The following DHRSX variants were observed in gnomAD, a reference collection of about 807,000 sequenced individuals.
DHRSX encodes the protein polyprenol dehydrogenase.
Under a neutral mutation model 34.0 loss-of-function variants are expected in DHRSX, and 31 were observed. The ratio of observed to expected loss-of-function variants is 0.91; its 90% CI spans 0.69 to 1.23. The LOEUF is 1.23. DHRSX is among the 50% of genes most tolerant of loss of function. DHRSX has a pLI of 0.00. For synonymous variants in DHRSX, 201 were observed against 183.8 expected, an observed-to-expected ratio of 1.09 and a Z score of -0.76; for missense variants, 414 against 428.1, an observed-to-expected ratio of 0.97 and a Z score of 0.29.
intron 3 of DHRSX, among the ~76,000 whole-genome samples, chrX:2,317,695 ACT>A (rs1440467850): frequency 1.1e-4 from 17 of 152,018 alleles, no homozygotes; most frequent in Non-Finnish European, 2.9e-5. Context: ...TTTGATTGGC[ACT>A]CTCTGAATAC....
Position 2,250,621 on chromosome X carries a change from C to T in DHRSX, c.597-7391G>A, listed in dbSNP as rs138370618. Among the ~76,000 whole-genome samples, 114 of 152,086 alleles carry T rather than the reference C, an allele frequency of 7.5e-4. 2 individuals are homozygous for T. In the East Asian group the frequency reaches 0.014, roughly 18 times the overall value. On this transcript the variant is annotated intron_variant, in intron 5 of 6. Coordinates refer to ENST00000334651, the MANE Select transcript of DHRSX (RefSeq NM_145177.3). Reference sequence around the variant, plus strand: ...GCGTATCATGACCAGAGAGGATGACCAGAGGTCAGTCGTCACCATCTTGGT... The same window carrying T: ...GCGTATCATGACCAGAGAGGATGACTAGAGGTCAGTCGTCACCATCTTGGT...
chrX:2,303,636 A>C (rs1465646307), intron 3 of DHRSX, among the ~76,000 whole-genome samples: 1 of 152,200 alleles, frequency 6.6e-6, no homozygotes, highest in African/African-American at 2.4e-5. Context: ...GTACTTCTTT[A>C]TAGCAATGCA....
At chrX:2,471,605 T>C (rs1218000211) in intron 1 of DHRSX, among the ~76,000 whole-genome samples, 2 of 150,082 alleles carry the variant, frequency 1.3e-5, no homozygotes, top group East Asian at 2.0e-4. Flanking sequence ...TTCTACACTG[T>C]GAAAAAAGAT....
intron 3 of DHRSX, among the ~76,000 whole-genome samples, chrX:2,317,380 T>C (rs1357470781): frequency 1.3e-5 from 2 of 151,806 alleles, no homozygotes; most frequent in Admixed American, 6.6e-5. Context: ...CTGTCCCAAG[T>C]AGCTGGGATT....
At chrX:2,378,592 T>C (rs981965842) in intron 3 of DHRSX, among the ~76,000 whole-genome samples, 2 of 152,106 alleles carry the variant, frequency 1.3e-5, no homozygotes, top group African/African-American at 2.4e-5. Flanking sequence ...GAATATAATA[T>C]AGAATATTTA....
chrX:2,336,850 T>G (rs1407973616), intron 3 of DHRSX, among the ~76,000 whole-genome samples: 1 of 54,974 alleles, frequency 1.8e-5, no homozygotes, highest in Non-Finnish European at 8.4e-5. Context: ...TAGATAGATA[T>G]AGATAGATAG....
chrX:2,406,731 A>G (rs1180431803), intron 3 of DHRSX, among the ~76,000 whole-genome samples: 1 of 152,138 alleles, frequency 6.6e-6, no homozygotes, highest in African/African-American at 2.4e-5. Context: ...GCCAGCCACC[A>G]CGCTGGCCAG....
At chrX:2,498,957 T>C (rs1374499725) in intron 1 of DHRSX, among the ~76,000 whole-genome samples, 1 of 152,072 alleles carries the variant, frequency 6.6e-6, no homozygotes, top group Non-Finnish European at 1.5e-5. Context: ...GTAATTATGC[T>C]AAGTGGGTTT....
At chrX:2,317,269 T>TTTTTTTTTTTTTTGAGG (rs1569487959) in intron 3 of DHRSX, among the ~76,000 whole-genome samples, 1 of 132,844 alleles carries the variant, frequency 7.5e-6, no homozygotes. Flanking sequence ...TTTTTTTTTT[T>TTTTTTTTTTTTTTGAGG]GAGACAGAGT....
chrX:2,431,774 G>A (rs1035028889), intron 1 of DHRSX, among the ~76,000 whole-genome samples: 1 of 152,118 alleles, frequency 6.6e-6, no homozygotes, highest in African/African-American at 2.4e-5. Context: ...GAAGGGATGG[G>A]GCAAGGGTTG....
chrX:2,349,897 G>A (rs1386341041), intron 3 of DHRSX, among the ~76,000 whole-genome samples: 2 of 149,800 alleles, frequency 1.3e-5, no homozygotes, highest in Non-Finnish European at 1.5e-5. Context: ...AAATTAGCCA[G>A]GCGTGGTGGC....
chrX:2,488,691 A>G lies in DHRSX; in HGVS notation c.109+12126T>C, dbSNP rs1243094247. On this transcript the variant is annotated intron_variant, in intron 1 of 6. Coordinates refer to ENST00000334651, the MANE Select transcript of DHRSX (RefSeq NM_145177.3). ...AAACCGCCGCTGACGCCATCCCCCA[A>G]GGAGAACACCTGCTCCTGGTCCAGG... 6 of 1,613,474 alleles carry G rather than the reference A, an allele frequency of 3.7e-6. No homozygotes were observed. The African/African-American group carries it at 6.7e-5, about 18-fold the overall frequency.
intron 1 of DHRSX, among the ~76,000 whole-genome samples, chrX:2,476,934 G>A (rs915202386): frequency 2.6e-5 from 4 of 151,868 alleles, no homozygotes; most frequent in South Asian, 2.1e-4. Context: ...CCTGGGAGAC[G>A]GAGGCTGCAG....
rs375597960 is a variant in DHRSX at position 2,255,456 on chromosome X, T to C, written c.596+11284A>G. 1.4e-4 allele frequency among the ~76,000 whole-genome samples: 22 copies of C among 152,192 alleles called. 1 individual carries two copies. The highest frequency in any genetic ancestry group is 6.8e-3 in the Middle Eastern group (2 of 294). ...ACTGGATGATTTCACGGGATGTGAATTCATGGTTAGGAATAAAATAATGAA... is the reference window on the plus strand; with the variant it reads ...ACTGGATGATTTCACGGGATGTGAACTCATGGTTAGGAATAAAATAATGAA... On this transcript the variant is annotated intron_variant, in intron 5 of 6. Transcript: ENST00000334651.
At chrX:2,315,595 A>G (rs2042232571) in intron 3 of DHRSX, among the ~76,000 whole-genome samples, 1 of 152,112 alleles carries the variant, frequency 6.6e-6, no homozygotes, top group South Asian at 2.1e-4. Flanking sequence ...GAGCTGCTTA[A>G]GGAGCCATCC....
At chrX:2,270,257 C>G (rs1187107969) in intron 4 of DHRSX, among the ~76,000 whole-genome samples, 1 of 152,098 alleles carries the variant, frequency 6.6e-6, no homozygotes, top group Non-Finnish European at 1.5e-5. Flanking sequence ...AAAACCAAAG[C>G]TGGCTCCTCG....
intron 3 of DHRSX, among the ~76,000 whole-genome samples, chrX:2,322,099 G>A (rs1431573484): frequency 3.3e-5 from 5 of 151,798 alleles, no homozygotes; most frequent in Non-Finnish European, 7.4e-5. Context: ...CACCCTATTT[G>A]TAGTGTTTAT....
At chrX:2,489,456 C>T (rs751855320) in intron 1 of DHRSX, 38 of 1,613,788 alleles carry the variant, frequency 2.4e-5, no homozygotes, top group South Asian at 6.6e-5. Flanking sequence ...AGCGGCTTCA[C>T]CATGCTGATG....
intron 3 of DHRSX, among the ~76,000 whole-genome samples, chrX:2,293,658 C>G (rs1008688046): frequency 1.5e-4 from 23 of 151,936 alleles, no homozygotes; most frequent in African/African-American, 5.6e-4. Flanking sequence ...CTGGGCTGGC[C>G]GAGAAGAGAA....
Sources: gnomAD v4.1 joint callset for allele counts (sites outside exome capture counted in the v4.1 genomes callset) on GRCh38, gnomAD v4.1.1 for gene constraint, MANE v1.5 for transcripts, NCBI Gene and HGNC (gene_info 2026-07-23, HGNC 2026-07-21) for gene names.